Variants in ITPRID1 observed in about 807,000 individuals in gnomAD.
The protein encoded by ITPRID1 is ITPR interacting domain containing 1, also known as protein ITPRID1.
ITPRID1 carries 96 observed loss-of-function variants against 95.4 expected under a neutral mutation model. That is an observed-to-expected ratio of 1.01 (90% CI 0.85 to 1.19). ITPRID1 has a LOEUF of 1.19. Among genes scored for constraint, ITPRID1 ranks in the 50% most tolerant of loss-of-function variants. The pLI is 0.00. For missense variants in ITPRID1, 1,339 were observed against 1,252.9 expected (o/e 1.07, Z -1.04); for synonymous variants, 510 against 453.6 (o/e 1.12, Z -1.58).
Position 31,655,946 on chromosome 7 carries a change from C to G in ITPRID1, c.*3117C>G, listed in dbSNP as rs181739637. 3,597 of 985,266 alleles carry G rather than the reference C, an allele frequency of 3.7e-3. 2 individuals carry two copies. The highest frequency in any genetic ancestry group is 4.2e-3 in the Non-Finnish European group (3,461 of 829,794). 61.0% of individuals were successfully genotyped at this position (985,266 alleles called of 1,614,324 possible). A position where few individuals can be genotyped will look rare whatever the true frequency, so the allele number is the denominator to read the frequency against. On this transcript the variant is annotated 3_prime_UTR_variant, in exon 15 of 15. Transcript: ENST00000615280. The stretch of plus-strand genomic sequence containing the variant: ...TTACCAGTCTCATTTCCTGCTCATC[C>G]CTCAGATGAATCTCCAATTCTATTC...
At chr7:31,602,923 A>G (rs1213853165) in intron 10 of ITPRID1, among the ~76,000 whole-genome samples, 2 of 148,280 alleles carry the variant, frequency 1.3e-5, no homozygotes, top group African/African-American at 5.0e-5. Flanking sequence ...AGATTCGTTA[A>G]TAGTCATGCT....
chr7:31,626,448 G>A (rs2128187331), intron 10 of ITPRID1, among the ~76,000 whole-genome samples: 1 of 152,280 alleles, frequency 6.6e-6, no homozygotes, highest in South Asian at 2.1e-4. Flanking sequence ...TTAGATAGAA[G>A]TAAGTTTTCC....
intron 10 of ITPRID1, among the ~76,000 whole-genome samples, chr7:31,631,174 C>G (rs977424179): frequency 2.6e-5 from 4 of 151,906 alleles, no homozygotes; most frequent in Non-Finnish European, 5.9e-5. Flanking sequence ...TTCCAAACTG[C>G]GGAAGAGCAG....
chr7:31,577,971 A>G lies in ITPRID1; in HGVS notation c.707A>G (p.Glu236Gly). Residue 236 changes from glutamate (E) to glycine (G), a missense_variant, in exon 9 of 15, where the codon GAG becomes GGG. Glu to Gly is a moderately conservative substitution (Grantham distance 98). Transcript: ENST00000615280. ...AGAGCTGAAGAGAAAGCTGGAGGAG[A>G]GAGTGTGCAAAGAACCTCAGTGAGT... ...PNRAEEKAGGESVQRTSVSAA... is the reference protein window; with the variant it reads ...PNRAEEKAGGGSVQRTSVSAA... The G allele has an allele frequency of 6.2e-7, 1 of 1,613,712 alleles. No homozygotes were observed. Among genetic ancestry groups the G allele is most frequent in the Non-Finnish European group, 8.5e-7 (1 of 1,179,800 alleles).
intron 1 of ITPRID1, among the ~76,000 whole-genome samples, chr7:31,527,692 C>T (rs1170834654): frequency 6.6e-6 from 1 of 152,138 alleles, no homozygotes; most frequent in Non-Finnish European, 1.5e-5. Context: ...GACTGAGCAC[C>T]TTACCTATTA....
chr7:31,522,063 A>C (rs989629007), intron 1 of ITPRID1, among the ~76,000 whole-genome samples: 5 of 152,128 alleles, frequency 3.3e-5, no homozygotes, highest in African/African-American at 9.7e-5. Context: ...TTCTTACCCC[A>C]AAATTAGTGA....
chr7:31,614,069 T>TA (rs924106509), intron 10 of ITPRID1, among the ~76,000 whole-genome samples: 7 of 152,194 alleles, frequency 4.6e-5, no homozygotes, highest in African/African-American at 1.7e-4. Context: ...GGGAGTTGAA[T>TA]GCAGGTCAGG....
At chr7:31,618,568 G>C (rs1325796905) in intron 10 of ITPRID1, among the ~76,000 whole-genome samples, 1 of 152,186 alleles carries the variant, frequency 6.6e-6, no homozygotes, top group Admixed American at 6.5e-5. Flanking sequence ...GTTAGGAAAG[G>C]CTTTGAAACC....
chr7:31,643,866 C>G lies in ITPRID1; in HGVS notation c.2496C>G (p.Cys832Trp), dbSNP rs1562652311. The G allele has an allele frequency of 6.2e-7, 1 of 1,613,906 alleles. No homozygotes were observed. The highest frequency in any genetic ancestry group is 8.5e-7 in the Non-Finnish European group (1 of 1,179,882). The change falls in exon 12 of 15, where the codon TGC becomes TGG. Residue 832 changes from cysteine to tryptophan, a missense_variant. Cys to Trp is a radical substitution (Grantham distance 215). Coordinates refer to ENST00000615280, the MANE Select transcript of ITPRID1 (RefSeq NM_001257967.3). ...PGPEPSVCRH[C>W]LCSLTGHQEA... ...CTGAACCCTCAGTCTGTAGGCACTG[C>G]CTGTGTTCACTAACTGGTCACCAGG...
At chr7:31,519,620 C>CCATATA (rs1554279824) in intron 1 of ITPRID1, among the ~76,000 whole-genome samples, 6 of 25,266 alleles carry the variant, frequency 2.4e-4, no homozygotes, top group Non-Finnish European at 4.4e-4. Context: ...CTCTCTCTCT[C>CCATATA]TATATATATA....
At chr7:31,642,352 A>G (rs1417234751) in intron 11 of ITPRID1, 94 bp downstream of exon 11, 1 of 856,930 alleles carries the variant, frequency 1.2e-6, no homozygotes, top group Non-Finnish European at 1.8e-6. Flanking sequence ...ACTCACAGCT[A>G]ACTCAGAAAG....
Position 31,553,138 on chromosome 7 carries a change from GC to G in ITPRID1, c.119del (p.Pro40LeufsTer57). 6.3e-7 allele frequency: 1 copy of G among 1,593,950 alleles called. No individual in the cohort carries two copies. ...CGTGGGCTCCGCTGGATGAGTGGCT[GC>G]CCCCTGACCCTGAGGAGGAAAGCCA... ...SAWAPLDEWL[P>X]PDPEEESQSL... On this transcript the variant is annotated frameshift_variant, in exon 3 of 15. Transcript: ENST00000615280. LOFTEE classifies it high-confidence loss of function.
intron 10 of ITPRID1, among the ~76,000 whole-genome samples, chr7:31,619,548 ATT>A (rs1210643185): frequency 1.8e-3 from 3 of 1,658 alleles, no homozygotes; most frequent in Non-Finnish European, 0.013. Flanking sequence ...AATTTACCTC[ATT>A]CATCTATGCT....
At chr7:31,562,620 T>C (rs1390713059) in intron 5 of ITPRID1, among the ~76,000 whole-genome samples, 1 of 152,220 alleles carries the variant, frequency 6.6e-6, no homozygotes, top group Non-Finnish European at 1.5e-5. Flanking sequence ...AACAATGATC[T>C]GTTTTAGGTG....
In ITPRID1 at chr7:31,544,577, A is replaced by G. The variant is rs375507259; in HGVS notation, c.-97-4849A>G. 7.9e-5 allele frequency among the ~76,000 whole-genome samples: 12 copies of G among 152,170 alleles called. No homozygotes were observed. In the East Asian group the frequency reaches 1.9e-3, roughly 25 times the overall value. On this transcript the variant is annotated intron_variant, in intron 1 of 14. Transcript: ENST00000615280. ...TTTTTATACCCCCCTCAAATAAACA[A>G]CGTTCTCCTTTAATATTTGAGAACA...
At chr7:31,623,779 G>A (rs1251420580) in intron 10 of ITPRID1, among the ~76,000 whole-genome samples, 1 of 151,498 alleles carries the variant, frequency 6.6e-6, no homozygotes, top group African/African-American at 2.4e-5. Flanking sequence ...AGGGCAATTA[G>A]GCAGGAGAAG....
chr7:31,618,354 T>C (rs1042280753), intron 10 of ITPRID1, among the ~76,000 whole-genome samples: 4 of 120,532 alleles, frequency 3.3e-5, no homozygotes, highest in African/African-American at 1.3e-4. Context: ...CTTTGGGAGG[T>C]TCCTCCCCTG....
intron 1 of ITPRID1, among the ~76,000 whole-genome samples, chr7:31,523,156 T>G (rs1783320085): frequency 6.6e-6 from 1 of 152,360 alleles, no homozygotes; most frequent in Non-Finnish European, 1.5e-5. Context: ...AACACAAATT[T>G]ATTCTTTAAG....
chr7:31,651,558 G>T (rs1337029599), intron 13 of ITPRID1, among the ~76,000 whole-genome samples: 1 of 152,092 alleles, frequency 6.6e-6, no homozygotes, highest in African/African-American at 2.4e-5. Context: ...TGCAAATGTG[G>T]GAGTTATGAG....
Sources: allele counts gnomAD v4.1 joint callset (sites outside exome capture counted in the v4.1 genomes callset), GRCh38; gene constraint gnomAD v4.1.1; transcripts MANE v1.5; gene names NCBI Gene and HGNC (gene_info 2026-07-23, HGNC 2026-07-21).